GALR2: variants seen among roughly 807,000 people sequenced by gnomAD.
GALR2 encodes galanin receptor 2.
Under a neutral mutation model 7.2 loss-of-function variants are expected in GALR2, and 5 were observed. The ratio of observed to expected loss-of-function variants is 0.69; its 90% confidence interval spans 0.36 to 1.45. The LOEUF is 1.45. Among genes scored for constraint, GALR2 ranks in the 40% most tolerant of loss-of-function variants. GALR2 has a pLI of 0.03. For missense variants in GALR2, 561 were observed against 555.7 expected (o/e 1.01, Z -0.10); for synonymous variants, 300 against 263.9 (o/e 1.14, Z -1.32).
rs8192513 is a variant in GALR2, at chr17:76,076,877, G to C, written c.610G>C (p.Gly204Arg). ...FSYLLPVLVL[G>R]LTYARTLRYL... The stretch of plus-strand genomic sequence containing the variant: ...CTACCTGCTTCCTGTGCTGGTTCTC[G>C]GCCTGACCTACGCGCGCACCTTGCG... The change falls in exon 2 of 2, where the codon GGC (glycine) becomes CGC (arginine). Residue 204 changes from glycine to arginine, a missense_variant. Physicochemically the swap from Gly to Arg is moderately radical, Grantham distance 125 (BLOSUM62 -2). Transcript: ENST00000329003. The surrounding 1 kb of genome is among the most constrained non-coding windows in gnomAD (Gnocchi z 6.5). 7 of 1,603,568 alleles carry C rather than the reference G, an allele frequency of 4.4e-6. No individual in the cohort carries two copies. The highest frequency in any genetic ancestry group is 1.1e-5 in the South Asian group (1 of 91,048).
In GALR2 at chr17:76,075,306, C is replaced by A; in HGVS notation, c.368+55C>A. 2 of 1,549,818 alleles carry A rather than the reference C, an allele frequency of 1.3e-6. No individual in the cohort carries two copies. The highest frequency in any genetic ancestry group is 1.7e-6 in the Non-Finnish European group (2 of 1,150,672). On this transcript the variant is annotated intron_variant, in intron 1 of 1. Transcript: ENST00000329003. The surrounding 1 kb of genome is among the most constrained non-coding windows in gnomAD (Gnocchi z 5.9). The stretch of plus-strand genomic sequence containing the variant: ...ATGGGCATCCACGCGGGGGATGGAG[C>A]GGGAGGCGGGACTGGGGACCAAGAA...
upstream of GALR2, chr17:76,072,417 G>GCCGCCGCCACTGCCA: frequency 6.3e-7 from 1 of 1,583,696 alleles, no homozygotes; most frequent in Non-Finnish European, 8.6e-7. This position sits in a 1 kb window ranked among gnomAD's most constrained non-coding sequence, Gnocchi z 4.5. Flanking sequence ...CGCCGCTACC[G>GCCGCCGCCACTGCCA]CCGCCGCCAC....
upstream of GALR2, among the ~76,000 whole-genome samples, chr17:76,074,075 G>C (rs1372552327): frequency 6.6e-6 from 1 of 152,166 alleles, no homozygotes; most frequent in Non-Finnish European, 1.5e-5. This position sits in a 1 kb window ranked among gnomAD's most constrained non-coding sequence, Gnocchi z 6.7. Flanking sequence ...GAACCCGGGA[G>C]GCGGAGGTTG....
chr17:76,072,850 C>T (rs937235387), upstream of GALR2, among the ~76,000 whole-genome samples: 1 of 152,250 alleles, frequency 6.6e-6, no homozygotes, highest in Non-Finnish European at 1.5e-5. The surrounding 1 kb of genome is among the most constrained non-coding windows in gnomAD (Gnocchi z 4.5). Context: ...AAGCAGGAGA[C>T]CAAAGATACT....
rs892771472 is a variant in GALR2 at position 76,077,021 on chromosome 17, C to A, written c.754C>A (p.His252Asn). The change falls in exon 2 of 2, where the codon CAC (histidine) becomes AAC (asparagine). Residue 252 changes from histidine (H) to asparagine (N), a missense_variant. His to Asn is a moderately conservative substitution (Grantham distance 68). Coordinates refer to ENST00000329003, the MANE Select transcript of GALR2 (RefSeq NM_003857.4). ...AALFCLCWMP[H>N]HALILCVWFG... Reference sequence around the variant, plus strand: ...GCTCTTCTGCCTCTGCTGGATGCCCCACCACGCGCTCATCCTCTGCGTGTG... The same window carrying A: ...GCTCTTCTGCCTCTGCTGGATGCCCAACCACGCGCTCATCCTCTGCGTGTG... The A allele has an allele frequency of 6.2e-7, 1 of 1,612,236 alleles. No homozygotes were observed.
chr17:76,077,425 G>A lies in GALR2; in HGVS notation c.1158G>A (p.Val386=). 6.9e-7 allele frequency: 1 copy of A among 1,448,912 alleles called. No homozygotes were observed. Among genetic ancestry groups the A allele is most frequent in the Non-Finnish European group, 9.0e-7 (1 of 1,106,878 alleles). The allele number at this position is 1,448,912 out of a possible 1,614,324, so 89.8% of individuals were successfully genotyped here. A position where few individuals can be genotyped will look rare whatever the true frequency, so the allele number is the denominator to read the frequency against. ...KAGDSILTVD[V]A ...GCGACAGCATCCTGACGGTTGATGT[G>A]GCCTGAAAGCACTTAGCGGGCGCGC... The change falls in exon 2 of 2, where the codon GTG becomes GTA. Residue 386 remains valine, a synonymous_variant. Coordinates refer to ENST00000329003, the MANE Select transcript of GALR2 (RefSeq NM_003857.4).
upstream of GALR2, among the ~76,000 whole-genome samples, chr17:76,073,210 G>A (rs1365441407): frequency 6.6e-6 from 1 of 152,030 alleles, no homozygotes; most frequent in Admixed American, 6.6e-5. Context: ...TGTTGGGCAC[G>A]TAACTTAATC....
chr17:76,076,641 T>C lies in GALR2; in HGVS notation c.374T>C (p.Leu125Pro). The C allele has an allele frequency of 6.3e-7, 1 of 1,578,806 alleles. No homozygotes were observed. The highest frequency in any genetic ancestry group is 8.6e-7 in the Non-Finnish European group (1 of 1,166,674). Residue 125 changes from leucine to proline, a missense_variant, in exon 2 of 2, where the codon CTG becomes CCG. Transcript: ENST00000329003. The surrounding 1 kb of genome is among the most constrained non-coding windows in gnomAD (Gnocchi z 6.5). ...CCTTCCCGGTCTGACCGCAGGTATC[T>C]GGCCATCCGCTACCCGCTGCACTCC... ...TLAAVSLDRY[L>P]AIRYPLHSRE... is the part of the protein sequence containing the mutation.
chr17:76,072,178 T>G, upstream of GALR2: 12 of 1,493,732 alleles, frequency 8.0e-6, no homozygotes, highest in East Asian at 2.5e-5. This position sits in a 1 kb window ranked among gnomAD's most constrained non-coding sequence, Gnocchi z 4.5. Flanking sequence ...CACCAAAAGG[T>G]AAGGGCGAGA....
chr17:76,077,379 C>A lies in GALR2; in HGVS notation c.1112C>A (p.Ser371Tyr). The stretch of plus-strand genomic sequence containing the variant: ...ATCCTCGAGCCCTGTCCTGGCCCGT[C>A]CTGGCAGGGCCCAAAGGCAGGCGAC... ...PCILEPCPGPSWQGPKAGDSI... is the reference protein window; with the variant it reads ...PCILEPCPGPYWQGPKAGDSI... Residue 371 changes from serine (S) to tyrosine (Y), a missense_variant, in exon 2 of 2, where the codon TCC becomes TAC. Coordinates refer to ENST00000329003, the MANE Select transcript of GALR2 (RefSeq NM_003857.4). 6.7e-7 allele frequency: 1 copy of A among 1,487,338 alleles called. No individual in the cohort carries two copies. The highest frequency in any genetic ancestry group is 8.9e-7 in the Non-Finnish European group (1 of 1,125,696). 92.1% of individuals were successfully genotyped at this position (1,487,338 alleles called of 1,614,324 possible).
In GALR2 at chr17:76,077,087, C is replaced by G; in HGVS notation, c.820C>G (p.Arg274Gly). 1 of 1,613,040 alleles carries G rather than the reference C, an allele frequency of 6.2e-7. No homozygotes were observed. The highest frequency in any genetic ancestry group is 1.3e-5 in the African/African-American group (1 of 75,064). The change falls in exon 2 of 2, where the codon CGC becomes GGC. Residue 274 changes from arginine to glycine, a missense_variant. Physicochemically the swap from Arg to Gly is moderately radical, Grantham distance 125 (BLOSUM62 -2). Transcript: ENST00000329003. ...GCTCACGCGCGCCACTTATGCGCTT[C>G]GCATCCTCTCGCACCTGGTCTCCTA... ...FPLTRATYAL[R>G]ILSHLVSYAN...
At chr17:76,074,247 C>T (rs905970610), upstream of GALR2, among the ~76,000 whole-genome samples, 3 of 152,198 alleles carry the variant, frequency 2.0e-5, no homozygotes, top group Non-Finnish European at 4.4e-5. This position sits in a 1 kb window ranked among gnomAD's most constrained non-coding sequence, Gnocchi z 6.7. Flanking sequence ...ACCCGGGAGA[C>T]GGAGGTTGCA....
chr17:76,077,164 C>T lies in GALR2; in HGVS notation c.897C>T (p.Phe299=). The change falls in exon 2 of 2, where the codon TTC becomes TTT. Residue 299 remains phenylalanine, a synonymous_variant. Coordinates refer to ENST00000329003, the MANE Select transcript of GALR2 (RefSeq NM_003857.4). ...TTTACGCGCTGGTCTCCAAGCACTT[C>T]CGCAAAGGCTTCCGCACGATCTGCG... is the stretch of plus-strand genomic sequence containing the variant. The part of the protein sequence containing the change: ...PIVYALVSKH[F]RKGFRTICAG... The T allele has an allele frequency of 1.2e-6, 2 of 1,612,360 alleles. No individual in the cohort carries two copies. Among genetic ancestry groups the T allele is most frequent in the Non-Finnish European group, 1.7e-6 (2 of 1,179,690 alleles).
upstream of GALR2, chr17:76,074,767 G>A: frequency 3.4e-6 from 4 of 1,167,550 alleles, no homozygotes; most frequent in East Asian, 5.5e-5. This position sits in a 1 kb window ranked among gnomAD's most constrained non-coding sequence, Gnocchi z 6.7. Context: ...GGCTCCCTCC[G>A]CCTTCAGCCC....
In GALR2 at chr17:76,076,788, T is replaced by C. The variant is rs1201339547; in HGVS notation, c.521T>C (p.Val174Ala). 1 of 1,606,206 alleles carries C rather than the reference T, an allele frequency of 6.2e-7. No individual in the cohort carries two copies. Among genetic ancestry groups the C allele is most frequent in the Non-Finnish European group, 8.5e-7 (1 of 1,179,856 alleles). ...CAGTCGCAGCTGGCCAACCTGACCG[T>C]GTGCCATCCCGCGTGGAGCGCCCCT... ...YRQSQLANLT[V>A]CHPAWSAPRR... Residue 174 changes from valine to alanine, a missense_variant, in exon 2 of 2, where the codon GTG becomes GCG. Physicochemically the swap from Val to Ala is moderately conservative, Grantham distance 64. Transcript: ENST00000329003. This position sits in a 1 kb window ranked among gnomAD's most constrained non-coding sequence, Gnocchi z 6.5.
rs755918092 is a variant in GALR2, at chr17:76,075,227, C to T, written c.344C>T (p.Thr115Met). Residue 115 changes from threonine (T) to methionine (M), a missense_variant, in exon 1 of 2, where the codon ACG becomes ATG. By Grantham distance (81) the Thr-to-Met change is moderately conservative (BLOSUM62 -1). Transcript: ENST00000329003. The surrounding 1 kb of genome is among the most constrained non-coding windows in gnomAD (Gnocchi z 5.9). Reference sequence around the variant, plus strand: ...CTCACCATGCACGCCAGCAGCTTCACGCTGGCCGCCGTCTCCCTGGACAGG... The same window carrying T: ...CTCACCATGCACGCCAGCAGCTTCATGCTGGCCGCCGTCTCCCTGGACAGG... ...IFLTMHASSF[T>M]LAAVSLDRYL... 2 of 1,604,894 alleles carry T rather than the reference C, an allele frequency of 1.2e-6. No individual in the cohort carries two copies. The highest frequency in any genetic ancestry group is 2.2e-5 in the South Asian group (2 of 90,988).
upstream of GALR2, chr17:76,074,729 A>AC: frequency 1.3e-6 from 1 of 755,616 alleles, no homozygotes; most frequent in Non-Finnish European, 2.0e-6. The surrounding 1 kb of genome is among the most constrained non-coding windows in gnomAD (Gnocchi z 6.7). Context: ...ACCCCAGCGC[A>AC]CCCCCATCCC....
At position 76,075,735 on chromosome 17, in the gene GALR2, G is replaced by A. The variant is rs1041511651; in HGVS notation, c.368+484G>A. ...CTCCAAGCCACGGTTTGGTTGGTTG[G>A]TGCAGCTGGCTCAGGTCCAGGCTGT... On this transcript the variant is annotated intron_variant, in intron 1 of 1. Transcript: ENST00000329003. The surrounding 1 kb of genome is among the most constrained non-coding windows in gnomAD (Gnocchi z 5.9). Among the ~76,000 whole-genome samples the A allele has an allele frequency of 3.3e-5, 5 of 152,194 alleles. No homozygotes were observed. The highest frequency in any genetic ancestry group is 1.3e-4 in the Admixed American group (2 of 15,280).
At position 76,076,485 on chromosome 17, in the gene GALR2, C is replaced by G. The variant is rs1403509306; in HGVS notation, c.369-151C>G. ...GAGGCCCCCACCTCCGCCCTCACGCCGAGCCTCACCCCCACCTCCTCTGTG... is the reference window on the plus strand; with the variant it reads ...GAGGCCCCCACCTCCGCCCTCACGCGGAGCCTCACCCCCACCTCCTCTGTG... On this transcript the variant is annotated intron_variant, in intron 1 of 1. Transcript: ENST00000329003. The surrounding 1 kb of genome is among the most constrained non-coding windows in gnomAD (Gnocchi z 6.5). 1.4e-5 allele frequency: 8 copies of G among 587,718 alleles called. No individual in the cohort carries two copies. Among genetic ancestry groups the G allele is most frequent in the Non-Finnish European group, 2.1e-5 (7 of 337,576 alleles). The allele number at this position is 587,718 out of a possible 1,614,324, so 36.4% of individuals were successfully genotyped here.
Sources: gnomAD v4.1 joint callset for allele counts (sites outside exome capture counted in the v4.1 genomes callset) on GRCh38, gnomAD v4.1.1 for gene constraint, Gnocchi (gnomAD v3.1) non-coding constraint, MANE v1.5 for transcripts, NCBI Gene and HGNC (gene_info 2026-07-23, HGNC 2026-07-21) for gene names.